Variants in ATRNL1 observed in about 807,000 individuals in gnomAD.
ATRNL1 encodes attractin-like protein 1.
A neutral mutation model predicts 182.7 loss-of-function variants in ATRNL1; 95 were observed. The observed-to-expected ratio is 0.52, with a 90% CI of 0.44 to 0.62. The LOEUF is 0.62. Ranked by LOEUF, ATRNL1 falls within the 20% of genes least tolerant of loss-of-function variation. The probability of loss-of-function intolerance (pLI) is 0.00; values close to 1 mark genes in which losing one functional copy is unlikely to be tolerated. For synonymous variants in ATRNL1, 576 were observed against 568.3 expected (o/e 1.01, Z -0.19); for missense variants, 1,471 against 1,679.5 (o/e 0.88, Z 2.17).
At chr10:115,600,525 C>T (rs569431666) in intron 26 of ATRNL1, among the ~76,000 whole-genome samples, 74 of 152,102 alleles carry the variant, frequency 4.9e-4, no homozygotes, top group African/African-American at 1.7e-3. Context: ...TCATCTGTTT[C>T]TCTTTTGTCA....
At chr10:115,177,903 G>GTTTTTTTTTTTT (rs147613896) in intron 8 of ATRNL1, among the ~76,000 whole-genome samples, 2 of 102,078 alleles carry the variant, frequency 2.0e-5, no homozygotes, top group African/African-American at 8.6e-5. Context: ...TTGTTTTTTT[G>GTTTTTTTTTTTT]TTTTTTTTGT....
At chr10:115,170,670 C>T (rs1429958750) in intron 7 of ATRNL1, among the ~76,000 whole-genome samples, 1 of 151,928 alleles carries the variant, frequency 6.6e-6, no homozygotes, top group East Asian at 1.9e-4. Flanking sequence ...TGTTATAGGA[C>T]TACCTCACCC....
chr10:115,499,504 A>T (rs1849710278), intron 24 of ATRNL1, among the ~76,000 whole-genome samples: 1 of 152,178 alleles, frequency 6.6e-6, no homozygotes. Context: ...ACAGCCTCAG[A>T]AGGTTTTGAT....
intron 20 of ATRNL1, among the ~76,000 whole-genome samples, chr10:115,419,679 C>T (rs1237772815): frequency 6.6e-6 from 1 of 152,068 alleles, no homozygotes; most frequent in Non-Finnish European, 1.5e-5. Flanking sequence ...AGAGACAAGG[C>T]CATTATATAA....
chr10:115,420,034 TAAC>T (rs764923062), intron 20 of ATRNL1, among the ~76,000 whole-genome samples: 10 of 141,708 alleles, frequency 7.1e-5, no homozygotes, highest in Non-Finnish European at 1.1e-4. Flanking sequence ...AAACATGTCT[TAAC>T]AATTTTTTTT....
At chr10:115,540,018 T>C (rs190044170) in intron 25 of ATRNL1, among the ~76,000 whole-genome samples, 2 of 151,242 alleles carry the variant, frequency 1.3e-5, no homozygotes, top group East Asian at 3.9e-4. Flanking sequence ...TTAGGAGATA[T>C]GCCTAATGTA....
At chr10:115,896,456 A>G (rs1952211799) in intron 28 of ATRNL1, among the ~76,000 whole-genome samples, 1 of 152,220 alleles carries the variant, frequency 6.6e-6, no homozygotes, top group African/African-American at 2.4e-5. Context: ...AAGATAGCGC[A>G]GTAAAAGGAT....
intron 28 of ATRNL1, among the ~76,000 whole-genome samples, chr10:115,924,663 A>T (rs1953167567): frequency 6.6e-6 from 1 of 152,158 alleles, no homozygotes; most frequent in South Asian, 2.1e-4. Flanking sequence ...CTTGTAAGAT[A>T]GTTTGAAGTC....
intron 20 of ATRNL1, among the ~76,000 whole-genome samples, 173 bp from the exon 21 acceptor site, chr10:115,426,077 A>G (rs1279349929): frequency 3.3e-5 from 5 of 151,992 alleles, no homozygotes; most frequent in African/African-American, 1.2e-4. Context: ...AGCTTTCTAC[A>G]ATTAATTCAA....
At chr10:115,530,682 G>T (rs1435504427) in intron 25 of ATRNL1, among the ~76,000 whole-genome samples, 1 of 151,696 alleles carries the variant, frequency 6.6e-6, no homozygotes, top group Non-Finnish European at 1.5e-5. Context: ...CAATGTGCAG[G>T]TTAGTTACAT....
intron 21 of ATRNL1, among the ~76,000 whole-genome samples, chr10:115,451,363 G>A (rs920210543): frequency 4.6e-5 from 7 of 152,084 alleles, no homozygotes; most frequent in Non-Finnish European, 7.4e-5. Context: ...TGCAAACTAT[G>A]CGTCTATCAA....
At chr10:115,357,845 T>C (rs1482631440) in intron 19 of ATRNL1, among the ~76,000 whole-genome samples, 1 of 151,704 alleles carries the variant, frequency 6.6e-6, no homozygotes, top group Non-Finnish European at 1.5e-5. Context: ...ACTATACAAA[T>C]TAATTAGTTA....
At chr10:115,263,422 C>G (rs1423156732) in intron 10 of ATRNL1, among the ~76,000 whole-genome samples, 1 of 151,702 alleles carries the variant, frequency 6.6e-6, no homozygotes, top group Non-Finnish European at 1.5e-5. Flanking sequence ...AATGGTCCAG[C>G]TACTATGGAA....
intron 19 of ATRNL1, among the ~76,000 whole-genome samples, chr10:115,345,114 C>T (rs149141922): frequency 4.3e-4 from 65 of 152,358 alleles, no homozygotes; most frequent in African/African-American, 1.3e-3. Flanking sequence ...TCTGCTGTCC[C>T]AGCAGGTCCT....
intron 19 of ATRNL1, among the ~76,000 whole-genome samples, chr10:115,360,027 G>T (rs2134152899): frequency 6.6e-6 from 1 of 151,644 alleles, no homozygotes; most frequent in East Asian, 1.9e-4. Flanking sequence ...TGTAACAGAA[G>T]ATATTTGAGT....
At chr10:115,587,350 C>G (rs576575829) in intron 26 of ATRNL1, among the ~76,000 whole-genome samples, 1 of 151,974 alleles carries the variant, frequency 6.6e-6, no homozygotes, top group Non-Finnish European at 1.5e-5. Context: ...GGGCGCCCCT[C>G]CCCCAGCCTC....
chr10:115,246,392 T>C (rs1052550641), intron 10 of ATRNL1, among the ~76,000 whole-genome samples: 1 of 152,138 alleles, frequency 6.6e-6, no homozygotes, highest in African/African-American at 2.4e-5. Flanking sequence ...AGTGAGACAT[T>C]CAAAAATAGT....
At chr10:115,799,106 T>TACTTATTACTGG (rs1949730550) in intron 27 of ATRNL1, among the ~76,000 whole-genome samples, 1 of 152,158 alleles carries the variant, frequency 6.6e-6, no homozygotes, top group Non-Finnish European at 1.5e-5. Context: ...ATTACAGGCG[T>TACTTATTACTGG]GAGACACCAG....
At chr10:115,482,929 G>A (rs1418058510) in intron 24 of ATRNL1, among the ~76,000 whole-genome samples, 1 of 151,244 alleles carries the variant, frequency 6.6e-6, no homozygotes, top group Non-Finnish European at 1.5e-5. Context: ...TCCCAGTTCT[G>A]TACTAACCGT....
Sources: gnomAD v4.1 joint callset for allele counts (sites outside exome capture counted in the v4.1 genomes callset) on GRCh38, gnomAD v4.1.1 for gene constraint, MANE v1.5 for transcripts, NCBI Gene and HGNC (gene_info 2026-07-23, HGNC 2026-07-21) for gene names.